The following CACNG5 variants were observed in gnomAD, a reference collection of about 807,000 sequenced individuals.
CACNG5 encodes voltage-dependent calcium channel gamma-5 subunit.
Under a neutral mutation model 24.8 loss-of-function variants are expected in CACNG5, and 18 were observed. The ratio of observed to expected loss-of-function variants is 0.73; its 90% confidence interval spans 0.50 to 1.08. The LOEUF (loss-of-function observed/expected upper bound fraction) is 1.08. Ranked by LOEUF, CACNG5 falls within the 50% of genes least tolerant of loss-of-function variation. CACNG5 has a pLI of 0.00. For missense variants in CACNG5, 349 were observed against 367.9 expected, an observed-to-expected ratio of 0.95 and a Z score of 0.42; for synonymous variants, 157 against 149.1, an observed-to-expected ratio of 1.05 and a Z score of -0.39.
intron 4 of CACNG5, among the ~76,000 whole-genome samples, chr17:66,883,958 C>A (rs1341059308): frequency 1.3e-5 from 2 of 152,042 alleles, no homozygotes; most frequent in East Asian, 1.9e-4. Flanking sequence ...CATGGAGAAA[C>A]CTTGTCTCTA....
At chr17:66,860,504 A>AG (rs1416088517) in intron 1 of CACNG5, among the ~76,000 whole-genome samples, 2 of 150,358 alleles carry the variant, frequency 1.3e-5, no homozygotes, top group Non-Finnish European at 3.0e-5. Flanking sequence ...AAGTGCTGGA[A>AG]GAAAAAAAAA....
chr17:66,868,806 T>C (rs1976964239), intron 1 of CACNG5, among the ~76,000 whole-genome samples: 1 of 152,172 alleles, frequency 6.6e-6, no homozygotes, highest in Non-Finnish European at 1.5e-5. Context: ...AAGACACCTT[T>C]TATATCATTA....
intron 1 of CACNG5, among the ~76,000 whole-genome samples, chr17:66,836,985 T>A (rs947596409): frequency 6.6e-6 from 1 of 152,226 alleles, no homozygotes; most frequent in Non-Finnish European, 1.5e-5. Flanking sequence ...TAGGTTGTTG[T>A]GGAAAACGTC....
chr17:66,838,627 G>A (rs1055534120), intron 1 of CACNG5, among the ~76,000 whole-genome samples: 1 of 152,116 alleles, frequency 6.6e-6, no homozygotes, highest in African/African-American at 2.4e-5. Flanking sequence ...GATGTTTTAA[G>A]TCAACAGTAT....
intron 1 of CACNG5, among the ~76,000 whole-genome samples, chr17:66,837,569 C>G (rs1253883278): frequency 1.3e-5 from 2 of 152,204 alleles, no homozygotes; most frequent in African/African-American, 4.8e-5. Context: ...CAGGACAACC[C>G]CTGCCCACCA....
intron 1 of CACNG5, among the ~76,000 whole-genome samples, chr17:66,846,727 A>G (rs1976642134): frequency 6.6e-6 from 1 of 152,198 alleles, no homozygotes; most frequent in Non-Finnish European, 1.5e-5. Flanking sequence ...TGTGATGAAC[A>G]TTCATGTACA....
At chr17:66,857,364 C>T (rs1332001468) in intron 1 of CACNG5, among the ~76,000 whole-genome samples, 4 of 152,082 alleles carry the variant, frequency 2.6e-5, no homozygotes, top group African/African-American at 4.8e-5. Context: ...CGTTTTTAAA[C>T]TGGCTGGTCC....
intron 1 of CACNG5, among the ~76,000 whole-genome samples, chr17:66,840,108 G>A (rs1006701892): frequency 2.6e-5 from 4 of 152,150 alleles, no homozygotes; most frequent in African/African-American, 4.8e-5. Context: ...GGTGATCTCC[G>A]CTTTGCGGGG....
At chr17:66,882,303 T>C (rs984760168) in intron 4 of CACNG5, among the ~76,000 whole-genome samples, 2 of 151,994 alleles carry the variant, frequency 1.3e-5, no homozygotes, top group Non-Finnish European at 2.9e-5. Flanking sequence ...AGGAGCAGAT[T>C]TGGGCAGCTC....
Position 66,849,638 on chromosome 17 carries a change from A to G in CACNG5, c.-104+14388A>G, listed in dbSNP as rs546255519. 5.3e-5 allele frequency among the ~76,000 whole-genome samples: 8 copies of G among 152,214 alleles called. No homozygotes were observed. In the South Asian group the frequency reaches 1.5e-3, roughly 28 times the overall value. On this transcript the variant is annotated intron_variant, in intron 1 of 5. Coordinates refer to ENST00000533854, the MANE Select transcript of CACNG5 (RefSeq NM_145811.3). The stretch of plus-strand genomic sequence containing the variant: ...AGGCACAAAGTTCAGGTCCTGCCCT[A>G]GCCTCCCTGGGCAGGACACCCCTCT...
At chr17:66,854,834 GA>G (rs146705820) in intron 1 of CACNG5, among the ~76,000 whole-genome samples, 4 of 146,556 alleles carry the variant, frequency 2.7e-5, no homozygotes, top group Admixed American at 1.4e-4. Context: ...GAATCCAATA[GA>G]AAAAAAAATG....
chr17:66,877,639 C>T (rs1002896797), intron 2 of CACNG5, 111 bp downstream of exon 2: 24 of 864,292 alleles, frequency 2.8e-5, no homozygotes, highest in East Asian at 7.9e-5. Flanking sequence ...CCATTCACCA[C>T]GGATGATCCC....
At chr17:66,864,037 A>G (rs553899099) in intron 1 of CACNG5, among the ~76,000 whole-genome samples, 2 of 152,326 alleles carry the variant, frequency 1.3e-5, no homozygotes, top group East Asian at 3.9e-4. Flanking sequence ...GTGGAACACA[A>G]TAGAAGTTTT....
intron 4 of CACNG5, 119 bp from the exon 5 acceptor site, chr17:66,884,397 G>A (rs770381334): frequency 9.4e-5 from 96 of 1,024,696 alleles, no homozygotes; most frequent in Non-Finnish European, 1.4e-4. Context: ...TCCACTGAGA[G>A]CATTGTTACC....
rs1311750535 is a variant in CACNG5 at position 66,893,422 on chromosome 17, G to A, written c.*8182G>A. On this transcript the variant is annotated 3_prime_UTR_variant, in exon 6 of 6. Coordinates refer to ENST00000533854, the MANE Select transcript of CACNG5 (RefSeq NM_145811.3). ...TGGAAATGGCTCCAGGAAAACTCTG[G>A]ATTTTCCTAACTGTGGTCAGCCCGT... is the stretch of plus-strand genomic sequence containing the variant. 6.6e-6 allele frequency among the ~76,000 whole-genome samples: 1 copy of A among 152,292 alleles called. No individual in the cohort carries two copies. Among genetic ancestry groups the A allele is most frequent in the Non-Finnish European group, 1.5e-5 (1 of 68,036 alleles).
intron 3 of CACNG5, 123 bp downstream of exon 3, chr17:66,879,181 T>C (rs1977125315): frequency 1.5e-6 from 1 of 647,128 alleles, no homozygotes; most frequent in African/African-American, 1.8e-5. Flanking sequence ...CTGGGTGTGC[T>C]GTCCTGTTAA....
chr17:66,886,083 A>G lies in CACNG5; in HGVS notation c.*843A>G, dbSNP rs1213040037. On this transcript the variant is annotated 3_prime_UTR_variant, in exon 6 of 6. Transcript: ENST00000533854. ...TAGAATCGGGCTGGTCTGAGTTCCT[A>G]TTACCAGACACTGTTTCTGGTCCTG... Among the ~76,000 whole-genome samples, 2 of 152,240 alleles carry G rather than the reference A, an allele frequency of 1.3e-5. No individual in the cohort carries two copies. The highest frequency in any genetic ancestry group is 1.5e-5 in the Non-Finnish European group (1 of 68,040).
chr17:66,867,694 G>A (rs1159474358), intron 1 of CACNG5, among the ~76,000 whole-genome samples: 1 of 152,122 alleles, frequency 6.6e-6, no homozygotes, highest in Non-Finnish European at 1.5e-5. Flanking sequence ...CATATGGCTA[G>A]CCAGTTTTCC....
intron 1 of CACNG5, among the ~76,000 whole-genome samples, chr17:66,875,646 A>G (rs1238330479): frequency 6.6e-6 from 1 of 152,058 alleles, no homozygotes; most frequent in East Asian, 1.9e-4. Context: ...TCAAATCTCA[A>G]CTGGAACATG....
Sources: gnomAD v4.1 joint callset for allele counts (sites outside exome capture counted in the v4.1 genomes callset) on GRCh38, gnomAD v4.1.1 for gene constraint, MANE v1.5 for transcripts, NCBI Gene and HGNC (gene_info 2026-07-23, HGNC 2026-07-21) for gene names.